The following MOBP variants were observed in gnomAD, a reference collection of about 807,000 sequenced individuals.
The protein encoded by MOBP is myelin-associated oligodendrocyte basic protein.
In MOBP, 5 loss-of-function variants were observed where a neutral mutation model predicts 15.0. The observed-to-expected ratio is 0.33, with a 90% confidence interval of 0.17 to 0.70. The LOEUF (loss-of-function observed/expected upper bound fraction) is 0.70, where lower values mean the gene tolerates loss of function less well. Ranked by LOEUF, MOBP falls within the 30% of genes least tolerant of loss-of-function variation. The pLI, the probability that MOBP is intolerant of heterozygous loss-of-function variation, is 0.67. For missense variants in MOBP, 188 were observed against 257.8 expected (o/e 0.73, Z 1.85); for synonymous variants, 88 against 99.0 (o/e 0.89, Z 0.66).
intron 2 of MOBP, among the ~76,000 whole-genome samples, chr3:39,490,833 G>T (rs1335204310): frequency 6.6e-6 from 1 of 152,132 alleles, no homozygotes; most frequent in Non-Finnish European, 1.5e-5. Context: ...AAAGTGCTGG[G>T]ATTACAGGTG....
chr3:39,517,320 A>C (rs1028889609), downstream of MOBP, among the ~76,000 whole-genome samples: 18 of 152,036 alleles, frequency 1.2e-4, no homozygotes, highest in African/African-American at 4.1e-4. Context: ...GGTTGTCATG[A>C]CCCCCATGGC....
rs1164635820 is a variant in MOBP at position 39,502,740 on chromosome 3, C to A, written c.412C>A (p.Arg138Ser). The A allele has an allele frequency of 1.3e-6, 2 of 1,535,428 alleles. No homozygotes were observed. Among genetic ancestry groups the A allele is most frequent in the East Asian group, 4.9e-5 (2 of 40,882 alleles). The change falls in exon 4 of 4, where the codon CGT becomes AGT. Residue 138 changes from arginine to serine, a missense_variant. By Grantham distance (110) the Arg-to-Ser change is moderately radical (BLOSUM62 -1). Coordinates refer to ENST00000684792, the MANE Select transcript of MOBP (RefSeq NM_001393704.1). The surrounding 1 kb of genome is among the most constrained non-coding windows in gnomAD (Gnocchi z 6.3). Reference protein sequence around the residue: ...RSPPRSERQPRPRPEVRPPPA... With the variant: ...RSPPRSERQPSPRPEVRPPPA... ...CCCTCCGAGGTCTGAGCGTCAGCCACGTCCCCGCCCAGAGGTCCGACCACC... is the reference window on the plus strand; with the variant it reads ...CCCTCCGAGGTCTGAGCGTCAGCCAAGTCCCCGCCCAGAGGTCCGACCACC...
chr3:39,469,192 A>G lies in MOBP; in HGVS notation c.-89+1452A>G, dbSNP rs532449900. ...TACATATATACATGTGTGTGTGTGTATATACATATATACATGTGTGTGTAT... is the reference window on the plus strand; with the variant it reads ...TACATATATACATGTGTGTGTGTGTGTATACATATATACATGTGTGTGTAT... On this transcript the variant is annotated intron_variant, in intron 1 of 3. Transcript: ENST00000684792. Among the ~76,000 whole-genome samples the G allele has an allele frequency of 1.7e-4, 18 of 106,896 alleles. 2 individuals are homozygous for G. Among genetic ancestry groups the G allele is most frequent in the Non-Finnish European group, 2.3e-4 (12 of 53,050 alleles). The allele number at this position is 106,896 out of a possible 152,430, so 70.1% of individuals were successfully genotyped here. A position where few individuals can be genotyped will look rare whatever the true frequency, so the allele number is the denominator to read the frequency against.
At chr3:39,525,837 T>C (rs995496693), downstream of MOBP, 12 of 152,436 alleles carry the variant, frequency 7.9e-5, no homozygotes, top group African/African-American at 2.4e-4. Context: ...GCTTCCTCAC[T>C]TGGGGAGACC....
chr3:39,520,329 C>T (rs2043250211), downstream of MOBP, among the ~76,000 whole-genome samples: 1 of 152,168 alleles, frequency 6.6e-6, no homozygotes, highest in African/African-American at 2.4e-5. Flanking sequence ...AACTTGTGTT[C>T]ACCTACAATT....
downstream of MOBP, among the ~76,000 whole-genome samples, chr3:39,507,459 G>C (rs1426506459): frequency 6.6e-6 from 1 of 152,180 alleles, no homozygotes; most frequent in African/African-American, 2.4e-5. Flanking sequence ...CTCCTCCATA[G>C]CACATATGGA....
intron 1 of MOBP, among the ~76,000 whole-genome samples, chr3:39,469,197 CATATATACATGTGTGTGTATATACAT>C (rs1559412317): frequency 3.5e-5 from 3 of 85,632 alleles, no homozygotes; most frequent in African/African-American, 1.2e-4. Context: ...TGTGTATATA[CATATATACATGTGTGTGTATATACAT>C]ATATACATAT....
intron 1 of MOBP, among the ~76,000 whole-genome samples, chr3:39,475,266 TA>T (rs1169157099): frequency 6.6e-6 from 1 of 152,214 alleles, no homozygotes; most frequent in East Asian, 1.9e-4. Flanking sequence ...TATCAGAGAA[TA>T]AACGAGGATG....
intron 3 of MOBP, among the ~76,000 whole-genome samples, chr3:39,523,972 G>A (rs1014525433): frequency 6.6e-6 from 1 of 152,160 alleles, no homozygotes; most frequent in Non-Finnish European, 1.5e-5. Context: ...TATCCCTGCA[G>A]CATCCTGATG....
At chr3:39,520,939 CTCTATATTCT>C (rs2043258932), downstream of MOBP, among the ~76,000 whole-genome samples, 1 of 146,098 alleles carries the variant, frequency 6.8e-6, no homozygotes, top group Non-Finnish European at 1.5e-5. Context: ...CTTAAGGCAG[CTCTATATTCT>C]TTTTTTTTTT....
intron 4 of MOBP, among the ~76,000 whole-genome samples, chr3:39,513,208 A>G (rs1303050838): frequency 4.6e-5 from 7 of 152,260 alleles, no homozygotes; most frequent in Non-Finnish European, 1.5e-5. Context: ...AAAAAATATC[A>G]TATTATTTTT....
intron 4 of MOBP, among the ~76,000 whole-genome samples, chr3:39,512,830 TCA>T (rs1471695192): frequency 3.3e-5 from 5 of 152,242 alleles, no homozygotes; most frequent in African/African-American, 7.2e-5. Context: ...AAAGCTGATA[TCA>T]CACAACATTT....
At chr3:39,481,770 A>T (rs2042631292) in intron 2 of MOBP, among the ~76,000 whole-genome samples, 1 of 152,188 alleles carries the variant, frequency 6.6e-6, no homozygotes, top group Non-Finnish European at 1.5e-5. Flanking sequence ...TACTAAAGCC[A>T]CCAATTATTT....
At chr3:39,491,973 C>T (rs914462189) in intron 2 of MOBP, among the ~76,000 whole-genome samples, 1 of 152,160 alleles carries the variant, frequency 6.6e-6, no homozygotes, top group African/African-American at 2.4e-5. Flanking sequence ...GGGGGCCCTG[C>T]AAGCCTCTAG....
chr3:39,524,211 A>G (rs919641116), intron 3 of MOBP: 3 of 152,148 alleles, frequency 2.0e-5, no homozygotes, highest in Non-Finnish European at 2.9e-5. Flanking sequence ...TGCATATAGA[A>G]TTGTAGTTTG....
intron 2 of MOBP, among the ~76,000 whole-genome samples, chr3:39,500,684 A>G (rs926312239): frequency 9.9e-5 from 15 of 152,166 alleles, no homozygotes; most frequent in African/African-American, 3.6e-4. Context: ...AAAAAATATT[A>G]ATACCTTTTC....
intron 1 of MOBP, among the ~76,000 whole-genome samples, chr3:39,474,870 T>C (rs2042523730): frequency 6.6e-6 from 1 of 152,238 alleles, no homozygotes; most frequent in African/African-American, 2.4e-5. Flanking sequence ...ATACATGCAG[T>C]GTGCCCTTTA....
chr3:39,510,433 T>C (rs2043104572), intron 4 of MOBP, among the ~76,000 whole-genome samples: 1 of 152,182 alleles, frequency 6.6e-6, no homozygotes, highest in Non-Finnish European at 1.5e-5. Flanking sequence ...ATAACAATAC[T>C]GAGTCTGATA....
intron 2 of MOBP, 88 bp from the exon 3 acceptor site, chr3:39,501,978 G>T: frequency 9.2e-7 from 1 of 1,088,656 alleles, no homozygotes; most frequent in South Asian, 1.4e-5. Context: ...TGGATTATGG[G>T]AGTAGCAGGG....
Sources: gnomAD v4.1 joint callset for allele counts (sites outside exome capture counted in the v4.1 genomes callset) on GRCh38, gnomAD v4.1.1 for gene constraint, Gnocchi (gnomAD v3.1) non-coding constraint, MANE v1.5 for transcripts, NCBI Gene and HGNC (gene_info 2026-07-23, HGNC 2026-07-21) for gene names.